KIAA1671: variants seen among roughly 807,000 people sequenced by gnomAD.
The protein encoded by KIAA1671 is KIAA1671.
In KIAA1671, 52 loss-of-function variants were observed where a neutral mutation model predicts 131.2. The observed-to-expected ratio is 0.40, with a 90% CI of 0.32 to 0.50. The LOEUF is 0.50. Ranked by LOEUF, KIAA1671 falls within the 20% of genes least tolerant of loss-of-function variation. The pLI is 0.73. For missense variants in KIAA1671, 2,360 were observed against 2,364.2 expected (o/e 1.00, Z 0.04); for synonymous variants, 1,003 against 961.6 (o/e 1.04, Z -0.80).
intron 1 of KIAA1671, among the ~76,000 whole-genome samples, chr22:24,959,565 T>TACAC (rs71739745): frequency 1.9e-4 from 28 of 151,042 alleles, no homozygotes; most frequent in East Asian, 1.4e-3. Context: ...TCGAGGCACA[T>TACAC]ACACACACAC....
chr22:25,056,664 A>G (rs1008325466), intron 6 of KIAA1671: 2 of 151,378 alleles, frequency 1.3e-5, no homozygotes, highest in Non-Finnish European at 2.9e-5. Flanking sequence ...AAATACAAAA[A>G]TTAGCTGGGC....
chr22:25,128,794 G>A (rs1932301783), intron 6 of KIAA1671, among the ~76,000 whole-genome samples: 1 of 152,160 alleles, frequency 6.6e-6, no homozygotes, highest in African/African-American at 2.4e-5. Context: ...CTGGAATCAG[G>A]CAGTATTCCC....
chr22:25,033,661 C>G (rs1409827964), intron 4 of KIAA1671, among the ~76,000 whole-genome samples: 2 of 138,292 alleles, frequency 1.4e-5, no homozygotes, highest in Admixed American at 7.7e-5. Context: ...TCGCTGCAAG[C>G]TCCGCCTCCC....
intron 1 of KIAA1671, among the ~76,000 whole-genome samples, chr22:24,981,088 G>A (rs909556266): frequency 6.7e-6 from 1 of 148,984 alleles, no homozygotes; most frequent in Non-Finnish European, 1.5e-5. Flanking sequence ...GTGTGTGTGT[G>A]TTTTTACTGT....
intron 1 of KIAA1671, among the ~76,000 whole-genome samples, chr22:24,989,754 G>GA (rs935701064): frequency 2.6e-5 from 4 of 152,078 alleles, no homozygotes; most frequent in African/African-American, 9.7e-5. Flanking sequence ...CACTCCCCAA[G>GA]AAAACACGCA....
At chr22:25,090,651 T>C (rs1434248853) in intron 6 of KIAA1671, among the ~76,000 whole-genome samples, 1 of 152,244 alleles carries the variant, frequency 6.6e-6, no homozygotes, top group Non-Finnish European at 1.5e-5. Flanking sequence ...ACTGGGTGCT[T>C]GCTGCATATC....
intron 9 of KIAA1671, among the ~76,000 whole-genome samples, chr22:25,178,707 A>G (rs1000290841): frequency 6.6e-6 from 1 of 152,118 alleles, no homozygotes; most frequent in African/African-American, 2.4e-5. Flanking sequence ...AGGAAGGCCC[A>G]GGGTGTCCAC....
At chr22:25,080,249 C>T (rs1929335524) in intron 6 of KIAA1671, among the ~76,000 whole-genome samples, 1 of 152,166 alleles carries the variant, frequency 6.6e-6, no homozygotes, top group South Asian at 2.1e-4. Context: ...CCTTCCCCAG[C>T]TGTACAATGG....
intron 1 of KIAA1671, among the ~76,000 whole-genome samples, chr22:24,985,429 T>TC (rs11375391): frequency 0.12 from 18,287 of 151,480 alleles, 1,378 homozygotes; most frequent in East Asian, 0.43. Context: ...AAGCTCCGCC[T>TC]CCCGGGTTCA....
chr22:25,169,418 CAAA>C (rs34299474), intron 6 of KIAA1671, among the ~76,000 whole-genome samples: 27,430 of 117,682 alleles, frequency 0.23, 3,463 homozygotes, highest in East Asian at 0.48. Context: ...GACCTTGTCT[CAAA>C]AAAAAAAAAA....
chr22:25,059,579 A>G (rs1928044224), intron 6 of KIAA1671: 1 of 152,344 alleles, frequency 6.6e-6, no homozygotes, highest in Non-Finnish European at 1.5e-5. Flanking sequence ...ACAACAAACT[A>G]ACCCGACAGA....
chr22:25,035,835 C>T (rs1433168638), intron 4 of KIAA1671, among the ~76,000 whole-genome samples: 2 of 152,090 alleles, frequency 1.3e-5, no homozygotes, highest in African/African-American at 2.4e-5. Context: ...TAAACCCTTG[C>T]TTTACATGTG....
At chr22:24,956,748 T>C (rs984747641) in intron 1 of KIAA1671, among the ~76,000 whole-genome samples, 6 of 151,980 alleles carry the variant, frequency 3.9e-5, no homozygotes, top group African/African-American at 1.4e-4. Flanking sequence ...GGCGGGTGCC[T>C]GTAGTCCCAG....
At chr22:25,165,184 A>T (rs1445575940) in intron 6 of KIAA1671, among the ~76,000 whole-genome samples, 1 of 152,200 alleles carries the variant, frequency 6.6e-6, no homozygotes, top group Non-Finnish European at 1.5e-5. Flanking sequence ...TTGCTTTCTT[A>T]AACTGCATTT....
chr22:25,039,590 C>T lies in KIAA1671; in HGVS notation c.2460C>T (p.Pro820=). 1 of 1,551,742 alleles carries T rather than the reference C, an allele frequency of 6.4e-7. No individual in the cohort carries two copies. The highest frequency in any genetic ancestry group is 1.4e-5 in the African/African-American group (1 of 73,190). ...AGTTTGGGGGCAATTGCCCGTTTCC[C>T]AAATGGACAGGCGGGGCAGTGGTGA... ...GPKFGGNCPF[P]KWTGGAVVSS... The change falls in exon 5 of 13, where the codon CCC becomes CCT. Residue 820 remains proline (P), a synonymous_variant. Coordinates refer to ENST00000358431, the MANE Select transcript of KIAA1671 (RefSeq NM_001145206.2).
At chr22:25,148,955 C>T (rs1568980207) in intron 6 of KIAA1671, among the ~76,000 whole-genome samples, 1 of 152,206 alleles carries the variant, frequency 6.6e-6, no homozygotes, top group African/African-American at 2.4e-5. Flanking sequence ...ACCAAGAGTT[C>T]TGAAAAGAGC....
At chr22:25,179,339 G>C in intron 9 of KIAA1671, 1 of 1,593,734 alleles carries the variant, frequency 6.3e-7, no homozygotes, top group South Asian at 1.1e-5. Context: ...GCTGCTCCTT[G>C]TTCCTGCGCA....
intron 6 of KIAA1671, among the ~76,000 whole-genome samples, chr22:25,130,861 A>T (rs1400509612): frequency 6.6e-6 from 1 of 152,234 alleles, no homozygotes; most frequent in Admixed American, 6.5e-5. Context: ...GGCATGGGTG[A>T]CCAGGAAGAC....
chr22:25,154,172 A>C (rs1933145017), intron 6 of KIAA1671, among the ~76,000 whole-genome samples: 1 of 152,068 alleles, frequency 6.6e-6, no homozygotes, highest in South Asian at 2.1e-4. Context: ...GGGGGCTTTG[A>C]TCCAGGCACT....
Sources: allele counts gnomAD v4.1 joint callset (sites outside exome capture counted in the v4.1 genomes callset), GRCh38; gene constraint gnomAD v4.1.1; transcripts MANE v1.5; gene names NCBI Gene and HGNC (gene_info 2026-07-23, HGNC 2026-07-21).